The following NACC2 variants were observed in gnomAD, a reference collection of about 807,000 sequenced individuals.
The protein encoded by NACC2 is nucleus accumbens-associated protein 2.
A neutral mutation model predicts 25.1 loss-of-function variants in NACC2; 8 were observed. The ratio of observed to expected loss-of-function variants is 0.32; its 90% CI spans 0.19 to 0.57. The LOEUF (loss-of-function observed/expected upper bound fraction) is 0.57. Ranked by LOEUF, NACC2 falls within the 20% of genes least tolerant of loss-of-function variation. The pLI, the probability that NACC2 is intolerant of heterozygous loss-of-function variation, is 0.89. For missense variants in NACC2, 644 were observed against 650.2 expected, an observed-to-expected ratio of 0.99 and a Z score of 0.10; for synonymous variants, 435 against 294.7, an observed-to-expected ratio of 1.48 and a Z score of -4.88.
rs1437159784 is a variant in NACC2 at position 136,049,632 on chromosome 9, T to G, written c.886+4A>C. 1.3e-6 allele frequency: 1 copy of G among 774,834 alleles called. No individual in the cohort carries two copies. Among genetic ancestry groups the G allele is most frequent in the Non-Finnish European group, 2.4e-6 (1 of 415,554 alleles). 48.0% of individuals were successfully genotyped at this position (774,834 alleles called of 1,614,324 possible). ...TGGTGTGGGGCTCCACCCCGCCGCG[T>G]TACCTGCATAGCTGCCGGAGGCCTT... On this transcript the variant is annotated splice_donor_region_variant and intron_variant, in intron 2 of 5. Transcript: ENST00000277554.
In NACC2 at chr9:136,006,815, A is replaced by C. The variant is rs996439667; in HGVS notation, c.*4701T>G. 1 of 152,006 alleles carries C rather than the reference A, an allele frequency of 6.6e-6. No individual in the cohort carries two copies. The highest frequency in any genetic ancestry group is 2.4e-5 in the African/African-American group (1 of 41,298). 9.4% of individuals were successfully genotyped at this position (152,006 alleles called of 1,614,324 possible). ...AAACAAAACAAAGGCTTCCTCCTTA[A>C]AAAAAAGACAAAAAAAAAAAGCTAA... On this transcript the variant is annotated 3_prime_UTR_variant, in exon 6 of 6. Transcript: ENST00000277554.
Position 136,016,438 on chromosome 9 carries a change from C to T in NACC2, c.887-9G>A, listed in dbSNP as rs1273977373. On this transcript the variant is annotated splice_polypyrimidine_tract_variant and intron_variant, in intron 2 of 5. Transcript: ENST00000277554. ...CTCAGGCTTCTCTTGCACTGTGGGC[C>T]CAGAACCAACCTGGTCAGATGGGCA... is the stretch of plus-strand genomic sequence containing the variant. The T allele has an allele frequency of 2.5e-6, 4 of 1,610,726 alleles. No homozygotes were observed. The highest frequency in any genetic ancestry group is 3.4e-6 in the Non-Finnish European group (4 of 1,179,632).
At chr9:136,016,223 G>A (rs762518973) in intron 3 of NACC2, 42 bp downstream of exon 3, 3 of 1,591,812 alleles carry the variant, frequency 1.9e-6, no homozygotes, top group African/African-American at 1.3e-5. Flanking sequence ...ATAAATAAAT[G>A]AGGACATTTG....
intron 1 of NACC2, among the ~76,000 whole-genome samples, chr9:136,067,306 G>A (rs2131175441): frequency 6.6e-6 from 1 of 152,090 alleles, no homozygotes; most frequent in East Asian, 1.9e-4. Context: ...CCTAGAGCCG[G>A]GAGCAGTGGG....
intron 1 of NACC2, among the ~76,000 whole-genome samples, chr9:136,094,541 G>A (rs1350664744): frequency 6.6e-6 from 1 of 152,136 alleles, no homozygotes; most frequent in African/African-American, 2.4e-5. Context: ...CCCGACCTCA[G>A]CTCCGCAGAG....
In NACC2 at chr9:136,050,569, A is replaced by G; in HGVS notation, c.-48T>C. 1.4e-6 allele frequency: 1 copy of G among 728,516 alleles called. No homozygotes were observed. 45.1% of individuals were successfully genotyped at this position (728,516 alleles called of 1,614,324 possible). On this transcript the variant is annotated 5_prime_UTR_variant, in exon 2 of 6. Transcript: ENST00000277554. ...TGGGCTCTCAGCGCGGGGCGGCCCTAGCGGGGCTCATCTGTGGGGGGCAGG... is the reference window on the plus strand; with the variant it reads ...TGGGCTCTCAGCGCGGGGCGGCCCTGGCGGGGCTCATCTGTGGGGGGCAGG...
chr9:136,063,534 CATAAAGT>C (rs938459685), intron 1 of NACC2, among the ~76,000 whole-genome samples: 7 of 152,166 alleles, frequency 4.6e-5, no homozygotes, highest in Non-Finnish European at 1.0e-4. Flanking sequence ...CTTTCCCTCC[CATAAAGT>C]ATAGAGTTTT....
chr9:136,018,312 G>A lies in NACC2; in HGVS notation c.887-1883C>T, dbSNP rs774170627. ...CTGGGGAGCAGCCTGAGGAGGGCAG[G>A]AGGCAGGGAGGGTCCCAGAGTCACC... On this transcript the variant is annotated intron_variant, in intron 2 of 5. Transcript: ENST00000277554. This position sits in a 1 kb window ranked among gnomAD's most constrained non-coding sequence, Gnocchi z 4.4. 5.3e-5 allele frequency among the ~76,000 whole-genome samples: 8 copies of A among 152,084 alleles called. No individual in the cohort carries two copies. Among genetic ancestry groups the A allele is most frequent in the Non-Finnish European group, 1.2e-4 (8 of 67,980 alleles).
In NACC2 at chr9:136,007,182, G is replaced by A. The variant is rs533097588; in HGVS notation, c.*4334C>T. On this transcript the variant is annotated 3_prime_UTR_variant, in exon 6 of 6. Transcript: ENST00000277554. ...ATGCTAACAATGGAAGCGACTGATC[G>A]GAATACGAGCCGGTCGTCCAGTCTG... 6.5e-6 allele frequency: 1 copy of A among 154,490 alleles called. No individual in the cohort carries two copies. Among genetic ancestry groups the A allele is most frequent in the East Asian group, 1.9e-4 (1 of 5,192 alleles). The allele number at this position is 154,490 out of a possible 1,614,324, so 9.6% of individuals were successfully genotyped here. A position where few individuals can be genotyped will look rare whatever the true frequency, so the allele number is the denominator to read the frequency against.
chr9:136,038,351 C>T (rs11103282), intron 2 of NACC2, among the ~76,000 whole-genome samples: 42,795 of 152,030 alleles, frequency 0.28, 6,562 homozygotes, highest in East Asian at 0.51. Context: ...GCCTGGGCAA[C>T]GTGCTGAAAT....
chr9:136,053,477 C>T (rs1391949351), intron 1 of NACC2, among the ~76,000 whole-genome samples: 1 of 152,152 alleles, frequency 6.6e-6, no homozygotes, highest in Non-Finnish European at 1.5e-5. Flanking sequence ...GGCCAGGAGA[C>T]ACAGGGCCCA....
intron 1 of NACC2, among the ~76,000 whole-genome samples, chr9:136,085,055 T>TA (rs1232464150): frequency 6.6e-6 from 1 of 151,842 alleles, no homozygotes; most frequent in Non-Finnish European, 1.5e-5. Context: ...GCTAAAACGG[T>TA]AAATTTTATG....
rs1217615315 is a variant in NACC2 at position 136,050,261 on chromosome 9, C to T, written c.261G>A (p.Thr87=). ...CFQQILSFCY[T]GRLTMTASEQ... is the part of the protein sequence containing the mutation. Reference sequence around the variant, plus strand: ...CGCTGGCCGTCATGGTGAGCCTGCCCGTGTAGCAGAAGGACAGGATCTGCT... The same window carrying T: ...CGCTGGCCGTCATGGTGAGCCTGCCTGTGTAGCAGAAGGACAGGATCTGCT... The change falls in exon 2 of 6, where the codon ACG becomes ACA. Residue 87 remains threonine (T), a synonymous_variant. Coordinates refer to ENST00000277554, the MANE Select transcript of NACC2 (RefSeq NM_144653.5). 3.9e-6 allele frequency: 3 copies of T among 767,190 alleles called. No individual in the cohort carries two copies. The highest frequency in any genetic ancestry group is 7.2e-6 in the Non-Finnish European group (3 of 413,808). 47.5% of individuals were successfully genotyped at this position (767,190 alleles called of 1,614,324 possible).
Position 136,086,287 on chromosome 9 carries a change from GCC to G in NACC2, c.-60+8900_-60+8901del. Among the ~76,000 whole-genome samples the G allele has an allele frequency of 6.6e-6, 1 of 152,324 alleles. No homozygotes were observed. Among genetic ancestry groups the G allele is most frequent in the South Asian group, 2.1e-4 (1 of 4,824 alleles). ...GCTGGGGACAGGACGAAGGGCACAT[GCC>G]CCCCGAGGCCTCCCACTCAGAGCTG... On this transcript the variant is annotated intron_variant, in intron 1 of 5. Transcript: ENST00000277554. This position sits in a 1 kb window ranked among gnomAD's most constrained non-coding sequence, Gnocchi z 5.6.
rs566754273 is a variant in NACC2 at position 136,018,881 on chromosome 9, T to A, written c.887-2452A>T. On this transcript the variant is annotated intron_variant, in intron 2 of 5. Coordinates refer to ENST00000277554, the MANE Select transcript of NACC2 (RefSeq NM_144653.5). This position sits in a 1 kb window ranked among gnomAD's most constrained non-coding sequence, Gnocchi z 4.4. ...CGGTGCGTGGCATTTACATAAAGAG[T>A]TCACCAACAGAAATAATTCCCCATC... 9.9e-5 allele frequency among the ~76,000 whole-genome samples: 15 copies of A among 151,478 alleles called. No individual in the cohort carries two copies. Among genetic ancestry groups the A allele is most frequent in the African/African-American group, 3.6e-4 (15 of 41,198 alleles).
intron 2 of NACC2, among the ~76,000 whole-genome samples, chr9:136,027,693 T>G (rs973752981): frequency 6.6e-6 from 1 of 152,028 alleles, no homozygotes; most frequent in African/African-American, 2.4e-5. Context: ...AAATCTGACA[T>G]GAAAATGTGT....
chr9:136,049,291 G>A (rs945438793), intron 2 of NACC2, among the ~76,000 whole-genome samples: 1 of 152,210 alleles, frequency 6.6e-6, no homozygotes. Context: ...TAAAGGGGAA[G>A]TAGGCGGGTC....
chr9:136,058,395 G>A (rs1840960335), intron 1 of NACC2, among the ~76,000 whole-genome samples: 1 of 152,244 alleles, frequency 6.6e-6, no homozygotes, highest in Non-Finnish European at 1.5e-5. Flanking sequence ...ATCCTCAGGG[G>A]TGTCCGGCGG....
intron 2 of NACC2, among the ~76,000 whole-genome samples, chr9:136,034,209 G>A (rs969487571): frequency 2.6e-5 from 4 of 152,124 alleles, no homozygotes; most frequent in Admixed American, 6.6e-5. Flanking sequence ...ACCTTCTCAG[G>A]GAGAACGTAG....
Sources: gnomAD v4.1 joint callset for allele counts (sites outside exome capture counted in the v4.1 genomes callset) on GRCh38, gnomAD v4.1.1 for gene constraint, Gnocchi (gnomAD v3.1) non-coding constraint, MANE v1.5 for transcripts, NCBI Gene and HGNC (gene_info 2026-07-23, HGNC 2026-07-21) for gene names.